CHST3: variants seen among roughly 807,000 people sequenced by gnomAD.
CHST3 encodes C6ST-1.
In CHST3, 20 loss-of-function variants were observed where a neutral mutation model predicts 35.4. The observed-to-expected ratio is 0.57, with a 90% CI of 0.40 to 0.82. The LOEUF (loss-of-function observed/expected upper bound fraction) is 0.82. CHST3 is among the 40% of genes least tolerant of loss of function. The probability of loss-of-function intolerance (pLI) is 0.00; values close to 1 mark genes in which losing one functional copy is unlikely to be tolerated. For synonymous variants in CHST3, 334 were observed against 295.9 expected (o/e 1.13, Z -1.32); for missense variants, 693 against 670.1 (o/e 1.03, Z -0.38).
intron 1 of CHST3, among the ~76,000 whole-genome samples, chr10:71,968,272 G>A (rs1839652152): frequency 1.3e-5 from 2 of 152,068 alleles, no homozygotes; most frequent in South Asian, 4.1e-4. Flanking sequence ...ATGTTTGTTG[G>A]ACACATGTAT....
chr10:71,973,126 T>TG (rs1375328998), intron 1 of CHST3, among the ~76,000 whole-genome samples: 4 of 152,212 alleles, frequency 2.6e-5, no homozygotes, highest in Admixed American at 6.5e-5. Flanking sequence ...GCTTCGAGTC[T>TG]GGGGAGGGTG....
At position 71,985,866 on chromosome 10, in the gene CHST3, T is replaced by G. The variant is rs181779977; in HGVS notation, c.-107-19870T>G. ...CTGTGGTGCCCTTTTATAACTACACTCACTTCCCTCCTGCCCCCACCCCTT... is the reference window on the plus strand; with the variant it reads ...CTGTGGTGCCCTTTTATAACTACACGCACTTCCCTCCTGCCCCCACCCCTT... On this transcript the variant is annotated intron_variant, in intron 1 of 2. Coordinates refer to ENST00000373115, the MANE Select transcript of CHST3 (RefSeq NM_004273.5). Among the ~76,000 whole-genome samples, 567 of 152,222 alleles carry G rather than the reference T, an allele frequency of 3.7e-3. 2 individuals are homozygous for G. Among genetic ancestry groups the G allele is most frequent in the Non-Finnish European group, 4.8e-3 (328 of 68,020 alleles).
At chr10:71,996,549 TG>T (rs1159455908) in intron 1 of CHST3, among the ~76,000 whole-genome samples, 1 of 152,158 alleles carries the variant, frequency 6.6e-6, no homozygotes, top group East Asian at 1.9e-4. Flanking sequence ...TCCTATTTTT[TG>T]GTGCAGCGTC....
At chr10:71,968,040 T>A (rs2131735058) in intron 1 of CHST3, among the ~76,000 whole-genome samples, 1 of 151,428 alleles carries the variant, frequency 6.6e-6, no homozygotes, top group East Asian at 1.9e-4. Context: ...ATGGTCTCGA[T>A]CTCCTGACCT....
At chr10:71,970,200 A>G (rs117140087) in intron 1 of CHST3, among the ~76,000 whole-genome samples, 4,426 of 152,064 alleles carry the variant, frequency 0.029, 92 homozygotes, top group South Asian at 0.053. Context: ...GGAGCCCCTG[A>G]CCACCAGTGA....
intron 1 of CHST3, among the ~76,000 whole-genome samples, chr10:72,000,167 A>G (rs1589506269): frequency 6.6e-6 from 1 of 152,198 alleles, no homozygotes; most frequent in Admixed American, 6.5e-5. Context: ...TCTTCTGTCA[A>G]CTTAGAACGA....
chr10:72,008,293 C>A lies in CHST3; in HGVS notation c.1262C>A (p.Ser421Tyr), dbSNP rs774866759. The A allele has an allele frequency of 3.2e-6, 5 of 1,585,968 alleles. No homozygotes were observed. In the African/African-American group the frequency reaches 4.0e-5, roughly 13 times the overall value. Residue 421 changes from serine (S) to tyrosine (Y), a missense_variant, in exon 3 of 3, where the codon TCC becomes TAC. Transcript: ENST00000373115. ...GSGIYSTQKN[S>Y]SEQFEKWRFS... Reference sequence around the variant, plus strand: ...GGCATCTACTCCACGCAGAAGAACTCCTCGGAGCAGTTCGAGAAGTGGCGC... The same window carrying A: ...GGCATCTACTCCACGCAGAAGAACTACTCGGAGCAGTTCGAGAAGTGGCGC...
chr10:71,984,721 T>A (rs1251524886), intron 1 of CHST3, among the ~76,000 whole-genome samples: 3 of 152,226 alleles, frequency 2.0e-5, no homozygotes, highest in African/African-American at 7.2e-5. Context: ...CCATAAGCAT[T>A]ATCCAGGGTT....
chr10:72,008,682 C>A lies in CHST3; in HGVS notation c.*211C>A. 1 of 1,057,148 alleles carries A rather than the reference C, an allele frequency of 9.5e-7. No individual in the cohort carries two copies. Among genetic ancestry groups the A allele is most frequent in the Non-Finnish European group, 1.3e-6 (1 of 774,398 alleles). 65.5% of individuals were successfully genotyped at this position (1,057,148 alleles called of 1,614,324 possible). On this transcript the variant is annotated 3_prime_UTR_variant, in exon 3 of 3. Coordinates refer to ENST00000373115, the MANE Select transcript of CHST3 (RefSeq NM_004273.5). Reference sequence around the variant, plus strand: ...CGGTCCCCTTGAGGGCCATCACACCCAGACCCAACGGGTTGCAGCCTCCTG... The same window carrying A: ...CGGTCCCCTTGAGGGCCATCACACCAAGACCCAACGGGTTGCAGCCTCCTG...
chr10:72,007,227 G>A lies in CHST3; in HGVS notation c.196G>A (p.Asp66Asn), dbSNP rs964738146. Reference protein sequence around the residue: ...PQALADANSTDPALILAENAS... With the variant: ...PQALADANSTNPALILAENAS... ...AGCTCTAGCAGATGCCAACAGCACC[G>A]ACCCAGCCCTGATCTTAGCTGAGAA... The change falls in exon 3 of 3, where the codon GAC becomes AAC. Residue 66 changes from aspartate to asparagine, a missense_variant. Asp to Asn is a conservative substitution (Grantham distance 23). Coordinates refer to ENST00000373115, the MANE Select transcript of CHST3 (RefSeq NM_004273.5). 5.0e-6 allele frequency: 8 copies of A among 1,614,162 alleles called. No individual in the cohort carries two copies. Among genetic ancestry groups the A allele is most frequent in the Non-Finnish European group, 5.9e-6 (7 of 1,180,042 alleles).
chr10:72,000,061 C>T (rs1050281422), intron 1 of CHST3, among the ~76,000 whole-genome samples: 2 of 152,334 alleles, frequency 1.3e-5, no homozygotes, highest in Middle Eastern at 3.4e-3. Context: ...GCACCGTGGT[C>T]CCAGCACACG....
At chr10:71,968,975 T>C (rs903636587) in intron 1 of CHST3, among the ~76,000 whole-genome samples, 1 of 151,364 alleles carries the variant, frequency 6.6e-6, no homozygotes, top group Non-Finnish European at 1.5e-5. Context: ...TTTTCCCCTT[T>C]TTGGTCCTCT....
At position 72,011,279 on chromosome 10, in the gene CHST3, T is replaced by A. The variant is rs566046898; in HGVS notation, c.*2808T>A. ...ATCTGAGATGCTACATCAGGGCCCT[T>A]GCTGCTGTATTACCTCTGCCCGGGT... On this transcript the variant is annotated 3_prime_UTR_variant, in exon 3 of 3. Transcript: ENST00000373115. The A allele has an allele frequency of 6.6e-6, 1 of 152,236 alleles. No homozygotes were observed. The highest frequency in any genetic ancestry group is 1.5e-5 in the Non-Finnish European group (1 of 68,004). 9.4% of individuals were successfully genotyped at this position (152,236 alleles called of 1,614,324 possible). A position where few individuals can be genotyped will look rare whatever the true frequency, so the allele number is the denominator to read the frequency against.
At chr10:72,004,139 G>A (rs1276914161) in intron 1 of CHST3, among the ~76,000 whole-genome samples, 1 of 152,186 alleles carries the variant, frequency 6.6e-6, no homozygotes, top group Non-Finnish European at 1.5e-5. Flanking sequence ...TTGCACTCCA[G>A]CCTGGACGAC....
chr10:71,980,412 G>A (rs1839789015), intron 1 of CHST3, among the ~76,000 whole-genome samples: 1 of 151,978 alleles, frequency 6.6e-6, no homozygotes, highest in Non-Finnish European at 1.5e-5. Context: ...TGATACAGAG[G>A]CATTCTGATA....
intron 2 of CHST3, 141 bp downstream of exon 2, chr10:72,006,123 A>C (rs531299001): frequency 1.8e-6 from 2 of 1,088,146 alleles, no homozygotes; most frequent in Non-Finnish European, 2.8e-6. Flanking sequence ...TGTCCCAGGC[A>C]GTGGCTCCTG....
chr10:71,970,234 G>T (rs9783245), intron 1 of CHST3, among the ~76,000 whole-genome samples: 24,043 of 150,170 alleles, frequency 0.16, 6,334 homozygotes, highest in African/African-American at 0.55. Flanking sequence ...GCTGCCCTCC[G>T]TCCTCTTGAT....
chr10:72,007,721 G>A lies in CHST3; in HGVS notation c.690G>A (p.Glu230=), dbSNP rs539386405. The A allele has an allele frequency of 9.3e-6, 15 of 1,605,548 alleles. No homozygotes were observed. The highest frequency in any genetic ancestry group is 6.7e-5 in the Admixed American group (4 of 59,938). ...FRRGSSRSLC[E]DPVCTPFVKK... is the part of the protein sequence containing the mutation. The stretch of plus-strand genomic sequence containing the variant: ...GGGGCTCCAGCCGCTCCCTGTGCGA[G>A]GACCCCGTCTGTACGCCCTTCGTCA... Residue 230 remains glutamate (E), a synonymous_variant, in exon 3 of 3, where the codon GAG becomes GAA. Coordinates refer to ENST00000373115, the MANE Select transcript of CHST3 (RefSeq NM_004273.5).
chr10:72,003,524 A>AC (rs1297448972), intron 1 of CHST3, among the ~76,000 whole-genome samples: 1 of 151,998 alleles, frequency 6.6e-6, no homozygotes, highest in Non-Finnish European at 1.5e-5. Flanking sequence ...ACATGGTGAA[A>AC]CCCCATCTCT....
Sources: allele counts gnomAD v4.1 joint callset (sites outside exome capture counted in the v4.1 genomes callset), GRCh38; gene constraint gnomAD v4.1.1; transcripts MANE v1.5; gene names NCBI Gene and HGNC (gene_info 2026-07-23, HGNC 2026-07-21).